The following ROBO2 variants were observed in gnomAD, a reference collection of about 807,000 sequenced individuals.
ROBO2 encodes roundabout homolog 2.
ROBO2 carries 53 observed loss-of-function variants against 160.8 expected under a neutral mutation model. That is an observed-to-expected ratio of 0.33 (90% CI 0.26 to 0.41). ROBO2 has a LOEUF of 0.41. ROBO2 is among the 10% of genes least tolerant of loss of function. The pLI, the probability that ROBO2 is intolerant of heterozygous loss-of-function variation, is 1.00. For missense variants in ROBO2, 1,577 were observed against 1,722.4 expected (o/e 0.92, Z 1.49); for synonymous variants, 664 against 611.7 (o/e 1.09, Z -1.26).
intron 6 of ROBO2, among the ~76,000 whole-genome samples, chr3:77,533,558 T>A (rs2091898867): frequency 6.6e-6 from 1 of 152,176 alleles, no homozygotes; most frequent in Admixed American, 6.5e-5. Context: ...CCCATTTCCT[T>A]GGCTGTTGGA....
chr3:77,489,294 G>A (rs557957038), intron 4 of ROBO2, among the ~76,000 whole-genome samples: 19 of 152,232 alleles, frequency 1.2e-4, no homozygotes, highest in East Asian at 5.8e-4. Flanking sequence ...TTTTCACCAT[G>A]AGCCAATGTC....
At chr3:77,618,471 C>T (rs753327932) in intron 22 of ROBO2, among the ~76,000 whole-genome samples, 134 of 152,216 alleles carry the variant, frequency 8.8e-4, no homozygotes, top group Non-Finnish European at 1.3e-3. Flanking sequence ...CAGTTTTATA[C>T]AGGATTTTTG....
chr3:77,534,180 T>A (rs947320763), intron 6 of ROBO2, among the ~76,000 whole-genome samples: 4 of 152,088 alleles, frequency 2.6e-5, no homozygotes, highest in African/African-American at 9.7e-5. Context: ...GCTATAGTAG[T>A]TTTTTCTTAT....
At chr3:76,139,113 A>G (rs2071539337) in intron 2 of ROBO2, among the ~76,000 whole-genome samples, 1 of 152,116 alleles carries the variant, frequency 6.6e-6, no homozygotes, top group South Asian at 2.1e-4. Flanking sequence ...GTGTACTTAA[A>G]TGATAACAAA....
chr3:77,462,164 C>T (rs556770461), intron 2 of ROBO2, among the ~76,000 whole-genome samples: 16 of 151,922 alleles, frequency 1.1e-4, no homozygotes, highest in Non-Finnish European at 2.1e-4. Flanking sequence ...AACTGTAAGC[C>T]GCTCTCAACT....
chr3:75,937,148 A>T (rs866257405), intron 1 of ROBO2, among the ~76,000 whole-genome samples: 193 of 152,296 alleles, frequency 1.3e-3, no homozygotes, highest in Admixed American at 4.6e-3. Flanking sequence ...ATACTTAAGT[A>T]GTGTCCATAC....
At chr3:77,010,366 T>A (rs2061811434) in intron 2 of ROBO2, among the ~76,000 whole-genome samples, 1 of 152,208 alleles carries the variant, frequency 6.6e-6, no homozygotes, top group Non-Finnish European at 1.5e-5. Context: ...GGAAGAGTAA[T>A]CAATTTAGAA....
intron 1 of ROBO2, among the ~76,000 whole-genome samples, chr3:75,922,647 TAG>T (rs1214688343): frequency 6.6e-6 from 1 of 152,006 alleles, no homozygotes; most frequent in Non-Finnish European, 1.5e-5. Flanking sequence ...GCAAAAACAA[TAG>T]AGAGCATTAT....
intron 3 of ROBO2, among the ~76,000 whole-genome samples, chr3:77,479,672 A>G (rs1560953438): frequency 6.6e-6 from 1 of 151,882 alleles, no homozygotes; most frequent in Non-Finnish European, 1.5e-5. Flanking sequence ...ATGAAAATGT[A>G]CTCCTGATGA....
At chr3:77,458,399 G>A (rs1180264889) in intron 2 of ROBO2, among the ~76,000 whole-genome samples, 9 of 152,280 alleles carry the variant, frequency 5.9e-5, no homozygotes, top group African/African-American at 2.2e-4. Flanking sequence ...AGAAAAGATT[G>A]AGGCTGGCTA....
intron 2 of ROBO2, among the ~76,000 whole-genome samples, chr3:77,354,425 C>T (rs1054197480): frequency 3.3e-5 from 5 of 150,668 alleles, no homozygotes; most frequent in African/African-American, 7.3e-5. Flanking sequence ...TTTTATTTCG[C>T]GGCATGAATT....
intron 2 of ROBO2, among the ~76,000 whole-genome samples, chr3:76,241,381 A>G (rs537506235): frequency 1.3e-5 from 2 of 152,352 alleles, no homozygotes; most frequent in Non-Finnish European, 2.9e-5. Flanking sequence ...CAGTGAACAA[A>G]CACTTACTGG....
At chr3:77,609,015 G>A (rs1043967420) in intron 21 of ROBO2, among the ~76,000 whole-genome samples, 3 of 151,216 alleles carry the variant, frequency 2.0e-5, no homozygotes, top group Admixed American at 2.0e-4. Context: ...TCATAACATT[G>A]GCTTCCTTTA....
intron 2 of ROBO2, among the ~76,000 whole-genome samples, chr3:77,360,345 C>A (rs549357657): frequency 4.0e-5 from 6 of 149,972 alleles, no homozygotes; most frequent in South Asian, 4.3e-4. Flanking sequence ...GTGTATAAAT[C>A]AAAAATTCAG....
chr3:76,657,902 G>A (rs2091642074), intron 2 of ROBO2, among the ~76,000 whole-genome samples: 1 of 148,336 alleles, frequency 6.7e-6, no homozygotes, highest in Non-Finnish European at 1.5e-5. Flanking sequence ...ATATATGTGT[G>A]TGTATCTATA....
chr3:77,155,005 C>T (rs2077877008), intron 2 of ROBO2, among the ~76,000 whole-genome samples: 1 of 151,566 alleles, frequency 6.6e-6, no homozygotes, highest in South Asian at 2.1e-4. Flanking sequence ...CACGTATACT[C>T]CCTGAAACTA....
intron 2 of ROBO2, among the ~76,000 whole-genome samples, chr3:77,240,589 C>A (rs1339121606): frequency 3.9e-5 from 6 of 152,174 alleles, no homozygotes; most frequent in Admixed American, 2.0e-4. Flanking sequence ...ACACCGTGGC[C>A]GAGGAGGCAC....
At position 76,086,705 on chromosome 3, in the gene ROBO2, A is replaced by C. The variant is rs943355924; in HGVS notation, c.109+149103A>C. Among the ~76,000 whole-genome samples the C allele has an allele frequency of 1.3e-5, 2 of 152,208 alleles. 1 individual carries two copies. Among genetic ancestry groups the C allele is most frequent in the South Asian group, 4.1e-4 (2 of 4,834 alleles). On this transcript the variant is annotated intron_variant, in intron 2 of 26. Transcript: ENST00000487694. ...AAAACAAAAAACAATCATCAAAATCAGAGTCAGATATGGCAAGAAACTTGG... is the reference window on the plus strand; with the variant it reads ...AAAACAAAAAACAATCATCAAAATCCGAGTCAGATATGGCAAGAAACTTGG...
intron 2 of ROBO2, among the ~76,000 whole-genome samples, chr3:76,677,226 A>G (rs1281072205): frequency 5.3e-5 from 8 of 152,114 alleles, no homozygotes; most frequent in Non-Finnish European, 8.8e-5. Flanking sequence ...AGAAGAAGAA[A>G]AAAGGAGGTA....
Sources: allele counts gnomAD v4.1 joint callset (sites outside exome capture counted in the v4.1 genomes callset), GRCh38; gene constraint gnomAD v4.1.1; transcripts MANE v1.5; gene names NCBI Gene and HGNC (gene_info 2026-07-23, HGNC 2026-07-21).